COP1: variants seen among roughly 807,000 people sequenced by gnomAD.
The protein encoded by COP1 is COP1 E3 ubiquitin ligase.
Under a neutral mutation model 101.3 loss-of-function variants are expected in COP1, and 24 were observed. The ratio of observed to expected loss-of-function variants is 0.24; its 90% CI spans 0.17 to 0.33. The LOEUF is 0.33. COP1 is among the 10% of genes least tolerant of loss of function. COP1 has a pLI of 1.00. For missense variants in COP1, 663 were observed against 906.2 expected (o/e 0.73, Z 3.45); for synonymous variants, 347 against 341.9 (o/e 1.01, Z -0.17).
rs547157562 is a variant in COP1, at chr1:175,991,735, C to CT, written c.1730-2257dup. Among the ~76,000 whole-genome samples, 382 of 152,274 alleles carry CT rather than the reference C, an allele frequency of 2.5e-3. 2 individuals are homozygous for CT. The highest frequency in any genetic ancestry group is 9.0e-3 in the African/African-American group (373 of 41,570). Reference sequence around the variant, plus strand: ...TTAAAATAGGAAAAAGCTTTTTAAACTTTTTTGTTAAAAACTAAGAAACAG... The same window carrying CT: ...TTAAAATAGGAAAAAGCTTTTTAAACTTTTTTTGTTAAAAACTAAGAAACAG... On this transcript the variant is annotated intron_variant, in intron 15 of 19. Coordinates refer to ENST00000367669, the MANE Select transcript of COP1 (RefSeq NM_022457.7).
intron 15 of COP1, among the ~76,000 whole-genome samples, chr1:176,002,278 T>A (rs939051458): frequency 5.9e-5 from 9 of 152,258 alleles, no homozygotes; most frequent in Non-Finnish European, 1.0e-4. Flanking sequence ...TCTTTTTTCT[T>A]TGTATTCTTT....
At chr1:176,203,585 C>CA (rs1238200930) in intron 1 of COP1, among the ~76,000 whole-genome samples, 4 of 151,942 alleles carry the variant, frequency 2.6e-5, no homozygotes, top group Admixed American at 6.6e-5. Context: ...GAAAATTTTG[C>CA]AAAAAACAAA....
intron 3 of COP1, chr1:176,168,775 A>G: frequency 4.2e-6 from 1 of 237,948 alleles, no homozygotes; most frequent in Non-Finnish European, 8.8e-6. Context: ...GAGAAACAGA[A>G]GAGAATGAGA....
chr1:176,060,638 A>G (rs1299434010), intron 11 of COP1, among the ~76,000 whole-genome samples: 1 of 152,200 alleles, frequency 6.6e-6, no homozygotes, highest in Non-Finnish European at 1.5e-5. Flanking sequence ...ATAGGATCAC[A>G]ATATTAAATC....
rs562017609 is a variant in COP1 at position 176,105,194 on chromosome 1, T to C, written c.1026+11430A>G. On this transcript the variant is annotated intron_variant, in intron 9 of 19. Transcript: ENST00000367669. ...GAAATTGGTAGAAAAGCTGAAAGGG[T>C]AGCCGTTATTGATTATAACTTTTTA... is the stretch of plus-strand genomic sequence containing the variant. Among the ~76,000 whole-genome samples, 12 of 152,234 alleles carry C rather than the reference T, an allele frequency of 7.9e-5. No homozygotes were observed. The South Asian group carries it at 2.5e-3, about 32-fold the overall frequency.
chr1:175,972,505 G>A (rs1653492485), intron 18 of COP1, among the ~76,000 whole-genome samples: 1 of 137,850 alleles, frequency 7.3e-6, no homozygotes, highest in Non-Finnish European at 1.5e-5. Context: ...TGGCTGTGTT[G>A]CCAGAATGGA....
At chr1:176,104,610 C>G (rs542580943) in intron 9 of COP1, among the ~76,000 whole-genome samples, 1 of 152,294 alleles carries the variant, frequency 6.6e-6, no homozygotes, top group South Asian at 2.1e-4. Flanking sequence ...ATATATTTCT[C>G]ACCTAATATA....
chr1:176,062,130 A>C (rs1291273470), intron 11 of COP1, among the ~76,000 whole-genome samples: 2 of 152,058 alleles, frequency 1.3e-5, no homozygotes, highest in African/African-American at 4.8e-5. Context: ...CCTCCCGAGT[A>C]GCTGGGACTA....
intron 1 of COP1, among the ~76,000 whole-genome samples, chr1:176,196,149 G>C (rs1699668800): frequency 6.6e-6 from 1 of 152,168 alleles, no homozygotes; most frequent in African/African-American, 2.4e-5. Flanking sequence ...ATAAGATTAA[G>C]TGTTGCTATT....
At chr1:176,092,604 G>T (rs1488672755) in intron 9 of COP1, among the ~76,000 whole-genome samples, 4 of 152,042 alleles carry the variant, frequency 2.6e-5, no homozygotes, top group African/African-American at 9.7e-5. Flanking sequence ...TATAAGAAAA[G>T]GTGCTGTTTT....
intron 1 of COP1, among the ~76,000 whole-genome samples, chr1:176,198,819 C>T (rs1276060932): frequency 6.6e-6 from 1 of 151,818 alleles, no homozygotes; most frequent in Non-Finnish European, 1.5e-5. Context: ...AGACATTTCA[C>T]AAAAGATATG....
intron 11 of COP1, among the ~76,000 whole-genome samples, chr1:176,071,043 G>C (rs565298153): frequency 6.6e-6 from 1 of 152,282 alleles, no homozygotes; most frequent in East Asian, 1.9e-4. Context: ...TTGACTGACA[G>C]AGTTTGGATA....
intron 1 of COP1, among the ~76,000 whole-genome samples, chr1:176,192,360 A>G (rs1262858643): frequency 3.9e-5 from 6 of 152,166 alleles, no homozygotes; most frequent in Non-Finnish European, 8.8e-5. Context: ...ATAGTAAACC[A>G]CAAGTAACAA....
intron 3 of COP1, among the ~76,000 whole-genome samples, chr1:176,173,324 G>A (rs202064802): frequency 1.5e-3 from 138 of 93,704 alleles, no homozygotes; most frequent in East Asian, 2.4e-3. Context: ...AAAACAAAAT[G>A]AAAAAAAAAA....
chr1:176,160,782 G>C (rs1169439135), intron 5 of COP1, among the ~76,000 whole-genome samples: 1 of 152,162 alleles, frequency 6.6e-6, no homozygotes, highest in East Asian at 1.9e-4. Flanking sequence ...AACAGATGCT[G>C]ACGAGGCTGT....
At chr1:175,989,293 A>T (rs1357295707) in intron 16 of COP1, 69 bp downstream of exon 16, 1 of 771,208 alleles carries the variant, frequency 1.3e-6, no homozygotes, top group Non-Finnish European at 2.3e-6. Context: ...ACCCTCAGTG[A>T]CATTACAAGC....
intron 18 of COP1, among the ~76,000 whole-genome samples, chr1:175,971,190 G>A (rs1175855637): frequency 1.3e-5 from 2 of 152,186 alleles, no homozygotes; most frequent in Admixed American, 6.5e-5. Context: ...AAATAAGGAT[G>A]TTAATATGTC....
chr1:176,118,791 A>G (rs1315682429), intron 8 of COP1, among the ~76,000 whole-genome samples: 1 of 152,178 alleles, frequency 6.6e-6, no homozygotes, highest in Non-Finnish European at 1.5e-5. Flanking sequence ...AACAAAAACA[A>G]AATAGCCAGA....
At chr1:175,998,634 TACCAGGGTTATTACATCCATTTAGG>T (rs1660873027) in intron 15 of COP1, among the ~76,000 whole-genome samples, 1 of 152,096 alleles carries the variant, frequency 6.6e-6, no homozygotes, top group Admixed American at 6.6e-5. Context: ...TTTCATCTAG[TACCAGGGTTATTACATCCATTTAGG>T]ATACTCACAG....
Sources: allele counts gnomAD v4.1 joint callset (sites outside exome capture counted in the v4.1 genomes callset), GRCh38; gene constraint gnomAD v4.1.1; transcripts MANE v1.5; gene names NCBI Gene and HGNC (gene_info 2026-07-23, HGNC 2026-07-21).